The following GNAO1 variants were observed in gnomAD, a reference collection of about 807,000 sequenced individuals.
The protein encoded by GNAO1 is guanine nucleotide-binding protein G(o) subunit alpha.
For missense variants in GNAO1, 166 were observed against 478.7 expected, an observed-to-expected ratio of 0.35 and a Z score of 6.10; for synonymous variants, 164 against 180.7, an observed-to-expected ratio of 0.91 and a Z score of 0.74.
At chr16:56,247,939 C>T (rs2036764686) in intron 2 of GNAO1, among the ~76,000 whole-genome samples, 1 of 152,154 alleles carries the variant, frequency 6.6e-6, no homozygotes, top group Admixed American at 6.5e-5. Flanking sequence ...ACTGAATGTG[C>T]ATTCTCACAC....
chr16:56,320,725 CA>C (rs1226387177), intron 3 of GNAO1, among the ~76,000 whole-genome samples: 1 of 152,142 alleles, frequency 6.6e-6, no homozygotes, highest in African/African-American at 2.4e-5. Context: ...AAACCCATCC[CA>C]CCTGCACCTA....
chr16:56,216,613 C>T (rs117182053), intron 2 of GNAO1, among the ~76,000 whole-genome samples: 1,840 of 152,240 alleles, frequency 0.012, 14 homozygotes, highest in Non-Finnish European at 0.019. Context: ...TATAAAATGG[C>T]GATAAGACCT....
chr16:56,319,777 G>T (rs1189419288), intron 3 of GNAO1, among the ~76,000 whole-genome samples: 1 of 152,058 alleles, frequency 6.6e-6, no homozygotes, highest in Admixed American at 6.5e-5. Flanking sequence ...CACTTCTGGG[G>T]GGTACCTGTA....
chr16:56,283,525 A>G (rs887856562), intron 3 of GNAO1, among the ~76,000 whole-genome samples: 2 of 152,212 alleles, frequency 1.3e-5, no homozygotes, highest in Non-Finnish European at 2.9e-5. Context: ...TCAGGACACT[A>G]TGTTTTTTAA....
intron 3 of GNAO1, among the ~76,000 whole-genome samples, chr16:56,293,783 T>C (rs2037256152): frequency 6.6e-6 from 1 of 152,150 alleles, no homozygotes; most frequent in South Asian, 2.1e-4. Flanking sequence ...ATGACTGGGT[T>C]TGGGAACGTT....
intron 2 of GNAO1, among the ~76,000 whole-genome samples, chr16:56,236,686 C>T (rs572540597): frequency 9.2e-5 from 14 of 152,324 alleles, no homozygotes; most frequent in Middle Eastern, 6.8e-3. Context: ...AAATTGGTCT[C>T]GTGGCATTAT....
chr16:56,255,361 T>C (rs1399446869), intron 2 of GNAO1, among the ~76,000 whole-genome samples: 1 of 152,228 alleles, frequency 6.6e-6, no homozygotes, highest in African/African-American at 2.4e-5. Context: ...GGTGATAAAC[T>C]ATGAATTCTT....
At position 56,328,801 on chromosome 16, in the gene GNAO1, C is replaced by A; in HGVS notation, c.464+10C>A. Reference sequence around the variant, plus strand: ...ACGACTCTGCCAAATAGTGAGTGTCCCAGCGGGCGCATGGCCTGGAGCCGG... The same window carrying A: ...ACGACTCTGCCAAATAGTGAGTGTCACAGCGGGCGCATGGCCTGGAGCCGG... On this transcript the variant is annotated intron_variant, in intron 4 of 8. Coordinates refer to ENST00000262493, the MANE Select transcript of GNAO1 (RefSeq NM_020988.3). The A allele has an allele frequency of 6.2e-7, 1 of 1,613,450 alleles. No homozygotes were observed. Among genetic ancestry groups the A allele is most frequent in the Non-Finnish European group, 8.5e-7 (1 of 1,179,416 alleles).
At position 56,257,511 on chromosome 16, in the gene GNAO1, G is replaced by A. The variant is rs1250442790; in HGVS notation, c.162-18420G>A. Among the ~76,000 whole-genome samples, 6 of 152,286 alleles carry A rather than the reference G, an allele frequency of 3.9e-5. No homozygotes were observed. The South Asian group carries it at 6.2e-4, about 16-fold the overall frequency. On this transcript the variant is annotated intron_variant, in intron 2 of 8. Coordinates refer to ENST00000262493, the MANE Select transcript of GNAO1 (RefSeq NM_020988.3). ...ATGGACCGTGGCCAACCTTCCAGCT[G>A]TGTAGAGCCTTCTGGCTGTGCATCT...
chr16:56,251,388 G>T (rs1428607184), intron 2 of GNAO1, among the ~76,000 whole-genome samples: 1 of 152,194 alleles, frequency 6.6e-6, no homozygotes, highest in Non-Finnish European at 1.5e-5. Context: ...GTTCACTTCT[G>T]TAAGTGAAAT....
chr16:56,257,453 GTGTGTC>G (rs2143473739), intron 2 of GNAO1, among the ~76,000 whole-genome samples: 1 of 152,250 alleles, frequency 6.6e-6, no homozygotes, highest in South Asian at 2.1e-4. Context: ...TTAGTGTTCC[GTGTGTC>G]TGACCAAGCA....
At chr16:56,236,009 C>T (rs1404045973) in intron 2 of GNAO1, among the ~76,000 whole-genome samples, 1 of 152,174 alleles carries the variant, frequency 6.6e-6, no homozygotes, top group Non-Finnish European at 1.5e-5. Context: ...TTCTTTGAGT[C>T]ATAGCCTATT....
intron 2 of GNAO1, among the ~76,000 whole-genome samples, chr16:56,209,215 C>G (rs57059926): frequency 9.1e-4 from 139 of 152,272 alleles, no homozygotes; most frequent in African/African-American, 3.3e-3. Context: ...CTCATTGGTT[C>G]CAGCTTTCTG....
rs572309195 is a variant in GNAO1 at position 56,272,207 on chromosome 16, G to A, written c.162-3724G>A. On this transcript the variant is annotated intron_variant, in intron 2 of 8. Transcript: ENST00000262493. ...GCCTGTAGTCCCAGCTACTTGGGAG[G>A]CTGAGGCAGGAGAATGGCATGAACC... 4.6e-5 allele frequency among the ~76,000 whole-genome samples: 7 copies of A among 152,272 alleles called. No homozygotes were observed. In the East Asian group the frequency reaches 1.3e-3, roughly 29 times the overall value.
chr16:56,223,040 A>G (rs1382952273), intron 2 of GNAO1, among the ~76,000 whole-genome samples: 1 of 152,160 alleles, frequency 6.6e-6, no homozygotes, highest in Non-Finnish European at 1.5e-5. Flanking sequence ...GGCTGTTTCA[A>G]TTGGCCACAG....
At chr16:56,342,507 C>G (rs868336421) in intron 6 of GNAO1, among the ~76,000 whole-genome samples, 8 of 152,242 alleles carry the variant, frequency 5.3e-5, no homozygotes, top group African/African-American at 1.9e-4. Context: ...CTAGAAGCTT[C>G]TCTCCTAGAC....
In GNAO1 at chr16:56,351,251, T is replaced by A. The variant is rs2037918278; in HGVS notation, c.724-133T>A. The A allele has an allele frequency of 1.6e-6, 1 of 625,610 alleles. No homozygotes were observed. The highest frequency in any genetic ancestry group is 1.8e-5 in the African/African-American group (1 of 54,434). 38.8% of individuals were successfully genotyped at this position (625,610 alleles called of 1,614,324 possible). On this transcript the variant is annotated intron_variant, in intron 6 of 8. Transcript: ENST00000262493. The surrounding 1 kb of genome is among the most constrained non-coding windows in gnomAD (Gnocchi z 6.1). ...TGAGGTGTAACTGACTCAGGTTCCA[T>A]CTGGCAGCCTCTCGGAGGAGCTGCC...
chr16:56,281,683 C>G lies in GNAO1; in HGVS notation c.303+5611C>G, dbSNP rs9889077. Among the ~76,000 whole-genome samples, 674 of 152,234 alleles carry G rather than the reference C, an allele frequency of 4.4e-3. 10 individuals are homozygous for G. Among genetic ancestry groups the G allele is most frequent in the African/African-American group, 0.015 (629 of 41,536 alleles). On this transcript the variant is annotated intron_variant, in intron 3 of 8. Transcript: ENST00000262493. The stretch of plus-strand genomic sequence containing the variant: ...TTCACCTTCTGAGCCAAGCTCTCCC[C>G]CTCCTCCTTCCTCTAGCCTTAGCCC...
At chr16:56,259,519 A>G (rs1044662563) in intron 2 of GNAO1, among the ~76,000 whole-genome samples, 10 of 152,238 alleles carry the variant, frequency 6.6e-5, no homozygotes, top group African/African-American at 2.2e-4. Context: ...CAGTTGTCTC[A>G]GCATTGCTGG....
Sources: gnomAD v4.1 joint callset for allele counts (sites outside exome capture counted in the v4.1 genomes callset) on GRCh38, gnomAD v4.1.1 for gene constraint, Gnocchi (gnomAD v3.1) non-coding constraint, MANE v1.5 for transcripts, NCBI Gene and HGNC (gene_info 2026-07-23, HGNC 2026-07-21) for gene names.